LRRC7: variants seen among roughly 807,000 people sequenced by gnomAD.
The protein encoded by LRRC7 is leucine rich repeat containing 7, also known as leucine-rich repeat-containing protein 7.
Under a neutral mutation model 175.7 loss-of-function variants are expected in LRRC7, and 23 were observed. The observed-to-expected ratio is 0.13, with a 90% CI of 0.09 to 0.19. LRRC7 has a LOEUF of 0.19. Among genes scored for constraint, LRRC7 ranks in the 10% least tolerant of loss-of-function variants. LRRC7 has a pLI of 1.00. For missense variants in LRRC7, 1,354 were observed against 1,904.7 expected, an observed-to-expected ratio of 0.71 and a Z score of 5.38; for synonymous variants, 685 against 680.9, an observed-to-expected ratio of 1.01 and a Z score of -0.09.
rs541016027 is a variant in LRRC7 at position 70,124,435 on chromosome 1, T to A, written c.*2548T>A. Among the ~76,000 whole-genome samples the A allele has an allele frequency of 7.2e-5, 11 of 152,242 alleles. No homozygotes were observed. The East Asian group carries it at 2.1e-3, about 29-fold the overall frequency. Reference sequence around the variant, plus strand: ...TATTTGGGAGGCTGAGGCATGAGAATCAATCGCTTGACCTGGGAGGCGGAG... The same window carrying A: ...TATTTGGGAGGCTGAGGCATGAGAAACAATCGCTTGACCTGGGAGGCGGAG... On this transcript the variant is annotated 3_prime_UTR_variant, in exon 27 of 27. Coordinates refer to ENST00000651989, the MANE Select transcript of LRRC7 (RefSeq NM_001370785.2).
intron 7 of LRRC7, among the ~76,000 whole-genome samples, chr1:69,920,810 A>C (rs1029510578): frequency 6.6e-6 from 1 of 152,090 alleles, no homozygotes; most frequent in African/African-American, 2.4e-5. Flanking sequence ...TGACACACTT[A>C]GTTACTTGGT....
chr1:70,037,860 T>C (rs190501284), intron 20 of LRRC7, among the ~76,000 whole-genome samples: 165 of 152,210 alleles, frequency 1.1e-3, no homozygotes, highest in Non-Finnish European at 1.9e-3. Context: ...CAACACAAGA[T>C]ACAATACACG....
intron 2 of LRRC7, among the ~76,000 whole-genome samples, chr1:69,707,024 A>T (rs1380204786): frequency 6.6e-6 from 1 of 152,200 alleles, no homozygotes; most frequent in African/African-American, 2.4e-5. Flanking sequence ...AAGGAATCAG[A>T]AGGAAAGAAA....
chr1:69,609,338 A>G (rs1569904829), intron 1 of LRRC7, among the ~76,000 whole-genome samples: 1 of 152,108 alleles, frequency 6.6e-6, no homozygotes, highest in Admixed American at 6.6e-5. Context: ...GTTAATCTAT[A>G]TATTATTCTA....
intron 18 of LRRC7, among the ~76,000 whole-genome samples, chr1:70,029,964 T>C (rs1658536272): frequency 6.6e-6 from 1 of 152,150 alleles, no homozygotes; most frequent in East Asian, 1.9e-4. Flanking sequence ...CTGGCACCAT[T>C]ATCCTCCATT....
At chr1:70,008,396 A>T (rs1350451099) in intron 11 of LRRC7, among the ~76,000 whole-genome samples, 6 of 152,228 alleles carry the variant, frequency 3.9e-5, no homozygotes, top group Non-Finnish European at 5.9e-5. Context: ...GTTCACATTC[A>T]GTATTAACCA....
rs968450590 is a variant in LRRC7 at position 70,139,970 on chromosome 1, CTT to C, written c.*18084_*18085del. The C allele has an allele frequency of 1.5e-4, 23 of 152,004 alleles. No homozygotes were observed. Among genetic ancestry groups the C allele is most frequent in the African/African-American group, 5.1e-4 (21 of 41,390 alleles). The allele number at this position is 152,004 out of a possible 1,614,324, so 9.4% of individuals were successfully genotyped here. A position where few individuals can be genotyped will look rare whatever the true frequency, so the allele number is the denominator to read the frequency against. ...AAATAATTATTTCCTTAATGAGAAA[CTT>C]AATTCTAGGGTACTTACAATAGCTG... On this transcript the variant is annotated 3_prime_UTR_variant, in exon 27 of 27. Coordinates refer to ENST00000651989, the MANE Select transcript of LRRC7 (RefSeq NM_001370785.2).
intron 2 of LRRC7, 166 bp from the exon 3 acceptor site, chr1:69,760,025 C>A (rs1336932361): frequency 2.8e-6 from 2 of 706,920 alleles, no homozygotes; most frequent in African/African-American, 3.6e-5. Context: ...ACGTACTTCG[C>A]AGGGCTGTTT....
intron 4 of LRRC7, among the ~76,000 whole-genome samples, chr1:69,819,406 A>G (rs898887953): frequency 1.1e-4 from 16 of 152,022 alleles, no homozygotes; most frequent in African/African-American, 3.9e-4. Flanking sequence ...GGTTTTATAT[A>G]TATCATTGCT....
intron 7 of LRRC7, 108 bp downstream of exon 7, chr1:69,838,391 T>C: frequency 1.1e-6 from 1 of 874,056 alleles, no homozygotes; most frequent in Non-Finnish European, 1.9e-6. Context: ...TTAATTTATC[T>C]ACACATTTTT....
intron 7 of LRRC7, chr1:69,919,484 G>A: frequency 1.0e-6 from 1 of 957,180 alleles, no homozygotes. Flanking sequence ...AACAGCAGCA[G>A]TGGCGGCAAA....
intron 23 of LRRC7, among the ~76,000 whole-genome samples, chr1:70,069,361 C>T (rs1020419436): frequency 2.6e-5 from 4 of 152,172 alleles, no homozygotes; most frequent in Admixed American, 2.6e-4. Flanking sequence ...GATATCCACT[C>T]ACTATCATGA....
chr1:69,965,755 A>G (rs549069633), intron 8 of LRRC7, among the ~76,000 whole-genome samples: 36 of 152,294 alleles, frequency 2.4e-4, no homozygotes, highest in African/African-American at 8.4e-4. Flanking sequence ...AAATTAACTG[A>G]AAAAGCTAAA....
intron 10 of LRRC7, among the ~76,000 whole-genome samples, chr1:69,992,637 A>C (rs1039593799): frequency 4.6e-5 from 7 of 152,160 alleles, no homozygotes; most frequent in African/African-American, 1.7e-4. Context: ...AGTGTTGGCA[A>C]AATAGCCACA....
intron 24 of LRRC7, among the ~76,000 whole-genome samples, chr1:70,079,637 A>G (rs1663065893): frequency 6.6e-6 from 1 of 152,202 alleles, no homozygotes; most frequent in Admixed American, 6.5e-5. Flanking sequence ...TAGCAAAGAA[A>G]GGGACAGCAG....
Position 70,137,503 on chromosome 1 carries a change from T to C in LRRC7, c.*15616T>C, listed in dbSNP as rs1385433278. Among the ~76,000 whole-genome samples, 1 of 152,242 alleles carries C rather than the reference T, an allele frequency of 6.6e-6. No individual in the cohort carries two copies. The highest frequency in any genetic ancestry group is 1.5e-5 in the Non-Finnish European group (1 of 68,040). ...TTGCATATCTTTAACACTTATCATG[T>C]ACCTACATACAAGGAAAACATTAGT... On this transcript the variant is annotated 3_prime_UTR_variant, in exon 27 of 27. Coordinates refer to ENST00000651989, the MANE Select transcript of LRRC7 (RefSeq NM_001370785.2).
chr1:69,692,483 A>G (rs1461301188), intron 2 of LRRC7, among the ~76,000 whole-genome samples: 1 of 152,130 alleles, frequency 6.6e-6, no homozygotes, highest in Non-Finnish European at 1.5e-5. Flanking sequence ...GGCAGCCTTT[A>G]CCCAGATATC....
intron 2 of LRRC7, among the ~76,000 whole-genome samples, chr1:69,736,593 A>C (rs1237057558): frequency 6.6e-6 from 1 of 152,126 alleles, no homozygotes; most frequent in Non-Finnish European, 1.5e-5. Flanking sequence ...TTTACTGGGA[A>C]AGTTACAGAA....
intron 2 of LRRC7, among the ~76,000 whole-genome samples, chr1:69,757,156 T>C (rs1557688680): frequency 6.6e-6 from 1 of 152,138 alleles, no homozygotes; most frequent in East Asian, 1.9e-4. Flanking sequence ...TAATACTTTC[T>C]ACTTAATACT....
Sources: gnomAD v4.1 joint callset for allele counts (sites outside exome capture counted in the v4.1 genomes callset) on GRCh38, gnomAD v4.1.1 for gene constraint, MANE v1.5 for transcripts, NCBI Gene and HGNC (gene_info 2026-07-23, HGNC 2026-07-21) for gene names.